Variants in SLC7A11 observed in about 807,000 individuals in gnomAD.
SLC7A11 encodes cystine/glutamate transporter.
In SLC7A11, 35 loss-of-function variants were observed where a neutral mutation model predicts 54.5. The ratio of observed to expected loss-of-function variants is 0.64; its 90% confidence interval spans 0.49 to 0.85. SLC7A11 has a LOEUF of 0.85. Among genes scored for constraint, SLC7A11 ranks in the 40% least tolerant of loss-of-function variants. SLC7A11 has a pLI of 0.00. For missense variants in SLC7A11, 583 were observed against 618.1 expected (o/e 0.94, Z 0.60); for synonymous variants, 230 against 225.2 (o/e 1.02, Z -0.19).
At chr4:138,237,726 TATATATATA>T (rs1738260006) in intron 1 of SLC7A11, among the ~76,000 whole-genome samples, 10 of 10,790 alleles carry the variant, frequency 9.3e-4, no homozygotes, top group African/African-American at 1.4e-3. Flanking sequence ...TATATATATA[TATATATATA>T]TATTTTTTTT....
intron 4 of SLC7A11, 87 bp from the exon 5 acceptor site, chr4:138,219,452 C>T: frequency 1.3e-6 from 1 of 747,106 alleles, no homozygotes; most frequent in Admixed American, 2.1e-5. Context: ...TGCGGAGAAA[C>T]ATACTGTTGT....
chr4:138,210,704 C>T (rs959057375), intron 6 of SLC7A11, among the ~76,000 whole-genome samples: 7 of 151,952 alleles, frequency 4.6e-5, no homozygotes, highest in African/African-American at 1.7e-4. Flanking sequence ...GATAGCATCT[C>T]GCATCAGTCA....
chr4:138,236,281 T>A, intron 2 of SLC7A11, 44 bp downstream of exon 2: 1 of 1,543,450 alleles, frequency 6.5e-7, no homozygotes, highest in South Asian at 1.2e-5. Flanking sequence ...TTCATAAGAA[T>A]GAATTGGTTT....
chr4:138,191,746 T>C (rs1193992816), intron 6 of SLC7A11, among the ~76,000 whole-genome samples: 1 of 152,180 alleles, frequency 6.6e-6, no homozygotes, highest in Non-Finnish European at 1.5e-5. Context: ...TAAATTTTCA[T>C]TTGCTTGCAT....
intron 6 of SLC7A11, among the ~76,000 whole-genome samples, chr4:138,195,487 T>G (rs1259040276): frequency 6.6e-6 from 1 of 152,116 alleles, no homozygotes; most frequent in Non-Finnish European, 1.5e-5. Flanking sequence ...AAATTCATCC[T>G]CTCACGGAAT....
chr4:138,177,733 G>C (rs1736615679), intron 11 of SLC7A11: 1 of 152,126 alleles, frequency 6.6e-6, no homozygotes, highest in Non-Finnish European at 1.5e-5. Flanking sequence ...CTGACAGAGA[G>C]ATATGCTTTC....
intron 4 of SLC7A11, among the ~76,000 whole-genome samples, chr4:138,220,269 A>T (rs1191482244): frequency 1.3e-5 from 2 of 152,050 alleles, no homozygotes; most frequent in Non-Finnish European, 2.9e-5. Flanking sequence ...AGTTTTCTTT[A>T]TCTATAAGTT....
At chr4:138,241,699 C>A in intron 1 of SLC7A11, 94 bp downstream of exon 1, 1 of 987,782 alleles carries the variant, frequency 1.0e-6, no homozygotes, top group Non-Finnish European at 1.6e-6. Context: ...CCTTTGCCAT[C>A]CATTCACTCC....
At chr4:138,240,871 G>GT (rs1738359828) in intron 1 of SLC7A11, among the ~76,000 whole-genome samples, 1 of 152,056 alleles carries the variant, frequency 6.6e-6, no homozygotes, top group Non-Finnish European at 1.5e-5. Flanking sequence ...ACAAACTCAG[G>GT]TAGCTCTCTA....
chr4:138,180,694 C>G lies in SLC7A11; in HGVS notation c.1213G>C (p.Ala405Pro). The G allele has an allele frequency of 6.2e-7, 1 of 1,612,974 alleles. No individual in the cohort carries two copies. The highest frequency in any genetic ancestry group is 8.5e-7 in the Non-Finnish European group (1 of 1,179,418). Residue 405 changes from alanine to proline, a missense_variant, in exon 10 of 12, where the codon GCT (alanine) becomes CCT (proline). Coordinates refer to ENST00000280612, the MANE Select transcript of SLC7A11 (RefSeq NM_014331.4). ...TTGTATCGAAGATAAATCAGCCCAG[C>G]AACTGCCAGCCCAATAAAAAGCCAC... ...ARWLFIGLAV[A>P]GLIYLRYKCP...
intron 1 of SLC7A11, among the ~76,000 whole-genome samples, chr4:138,240,542 G>A (rs1339512911): frequency 6.9e-6 from 1 of 145,730 alleles, no homozygotes; most frequent in Non-Finnish European, 1.5e-5. Flanking sequence ...ACTCCAGCCT[G>A]GGCAAAGAGC....
intron 6 of SLC7A11, among the ~76,000 whole-genome samples, chr4:138,190,048 T>C (rs1203015476): frequency 6.6e-6 from 1 of 152,188 alleles, no homozygotes; most frequent in Non-Finnish European, 1.5e-5. Flanking sequence ...TCCCCTCTGT[T>C]GGACACATAC....
chr4:138,215,778 A>G (rs1454370093), intron 5 of SLC7A11, among the ~76,000 whole-genome samples: 1 of 149,468 alleles, frequency 6.7e-6, no homozygotes, highest in African/African-American at 2.6e-5. Context: ...CATGCACACT[A>G]AAAAACAAAC....
At chr4:138,181,574 T>C (rs1736743487) in intron 9 of SLC7A11, among the ~76,000 whole-genome samples, 1 of 152,052 alleles carries the variant, frequency 6.6e-6, no homozygotes, top group Non-Finnish European at 1.5e-5. Flanking sequence ...CTGAAACAAA[T>C]TAAATGCATG....
intron 6 of SLC7A11, among the ~76,000 whole-genome samples, chr4:138,197,146 G>A (rs1225444968): frequency 4.6e-5 from 7 of 152,122 alleles, no homozygotes; most frequent in African/African-American, 1.7e-4. Context: ...AACATATGTA[G>A]TGAAGGATTC....
chr4:138,233,664 C>A (rs1047649950), intron 2 of SLC7A11, among the ~76,000 whole-genome samples: 6 of 152,198 alleles, frequency 3.9e-5, no homozygotes, highest in Non-Finnish European at 8.8e-5. Flanking sequence ...TTTTCCTAGA[C>A]ACCCTCCCAT....
chr4:138,178,618 G>A (rs1028518745), intron 11 of SLC7A11, among the ~76,000 whole-genome samples: 10 of 151,930 alleles, frequency 6.6e-5, no homozygotes, highest in Non-Finnish European at 1.3e-4. Context: ...GTATACCTAT[G>A]TAACAAACCT....
chr4:138,214,656 C>T, intron 5 of SLC7A11, 27 bp from the exon 6 acceptor site: 3 of 876,728 alleles, frequency 3.4e-6, no homozygotes, highest in Non-Finnish European at 5.1e-6. Flanking sequence ...AAATTATAAA[C>T]TATTAATATA....
In SLC7A11 at chr4:138,233,612, C is replaced by T. The variant is rs117287069; in HGVS notation, c.405-1230G>A. 5.7e-3 allele frequency among the ~76,000 whole-genome samples: 872 copies of T among 152,208 alleles called. 3 individuals are homozygous for T. Among genetic ancestry groups the T allele is most frequent in the East Asian group, 0.021 (107 of 5,178 alleles). On this transcript the variant is annotated intron_variant, in intron 2 of 11. Transcript: ENST00000280612. ...AGCATTACATGTTCCCAACTTTGGCCGGCTGATACTGGAGAGCGGCATAAG... is the reference window on the plus strand; with the variant it reads ...AGCATTACATGTTCCCAACTTTGGCTGGCTGATACTGGAGAGCGGCATAAG...
Sources: allele counts gnomAD v4.1 joint callset (sites outside exome capture counted in the v4.1 genomes callset), GRCh38; gene constraint gnomAD v4.1.1; transcripts MANE v1.5; gene names NCBI Gene and HGNC (gene_info 2026-07-23, HGNC 2026-07-21).